BMPR1B: variants seen among roughly 807,000 people sequenced by gnomAD.
The protein encoded by BMPR1B is bone morphogenetic protein receptor type-1B.
A neutral mutation model predicts 59.1 loss-of-function variants in BMPR1B; 12 were observed. That is an observed-to-expected ratio of 0.20 (90% CI 0.13 to 0.33). The LOEUF (loss-of-function observed/expected upper bound fraction) is 0.33. BMPR1B is among the 10% of genes least tolerant of loss of function. The pLI is 1.00. For synonymous variants in BMPR1B, 237 were observed against 207.3 expected, an observed-to-expected ratio of 1.14 and a Z score of -1.23; for missense variants, 550 against 610.9, an observed-to-expected ratio of 0.90 and a Z score of 1.05.
At chr4:95,013,300 T>C (rs957498401) in intron 3 of BMPR1B, among the ~76,000 whole-genome samples, 1 of 152,198 alleles carries the variant, frequency 6.6e-6, no homozygotes, top group East Asian at 1.9e-4. Context: ...TCCTGATGTA[T>C]TTTCTTCAAC....
chr4:94,924,007 C>G (rs1728795163), intron 2 of BMPR1B, among the ~76,000 whole-genome samples: 1 of 152,068 alleles, frequency 6.6e-6, no homozygotes, highest in South Asian at 2.1e-4. Context: ...CTTAAGGATG[C>G]TATGTCTTGA....
chr4:94,831,329 G>T (rs541101004), intron 1 of BMPR1B, among the ~76,000 whole-genome samples: 22 of 149,876 alleles, frequency 1.5e-4, no homozygotes, highest in African/African-American at 5.4e-4. Context: ...TGTGTTTTAA[G>T]CTAAATGTTC....
chr4:94,763,809 T>G (rs1461162462), intron 1 of BMPR1B, among the ~76,000 whole-genome samples: 1 of 152,240 alleles, frequency 6.6e-6, no homozygotes, highest in Non-Finnish European at 1.5e-5. Context: ...ATCTAACTAG[T>G]ACACTTTATG....
intron 1 of BMPR1B, among the ~76,000 whole-genome samples, chr4:94,860,851 C>A (rs920805512): frequency 6.7e-6 from 1 of 150,114 alleles, no homozygotes; most frequent in African/African-American, 2.5e-5. Flanking sequence ...ATGTCTTTCT[C>A]TTTCACGAGA....
At chr4:95,086,136 G>A (rs1165038446) in intron 3 of BMPR1B, among the ~76,000 whole-genome samples, 1 of 152,122 alleles carries the variant, frequency 6.6e-6, no homozygotes, top group Non-Finnish European at 1.5e-5. Flanking sequence ...ATAAAGCTAT[G>A]ACTATTAGGT....
chr4:95,035,023 G>C (rs1725137988), intron 3 of BMPR1B, among the ~76,000 whole-genome samples: 1 of 151,906 alleles, frequency 6.6e-6, no homozygotes, highest in African/African-American at 2.4e-5. Context: ...GCATTTCCCT[G>C]GTAATTAGTG....
At chr4:95,150,983 A>G (rs1483127236) in intron 11 of BMPR1B, among the ~76,000 whole-genome samples, 4 of 152,146 alleles carry the variant, frequency 2.6e-5, no homozygotes, top group Non-Finnish European at 2.9e-5. Flanking sequence ...AAGCGATTTT[A>G]TTTTTCCAGA....
rs537445877 is a variant in BMPR1B, at chr4:95,071,576, G to C, written c.-17-32832G>C. On this transcript the variant is annotated intron_variant, in intron 3 of 12. Coordinates refer to ENST00000515059, the MANE Select transcript of BMPR1B (RefSeq NM_001203.3). ...TCAGTGGGTCACAGAGTTATGAAGG[G>C]CTATGTTGCCAAAATTGCAATCAGT... 2.7e-5 allele frequency among the ~76,000 whole-genome samples: 4 copies of C among 150,162 alleles called. No individual in the cohort carries two copies. In the East Asian group the frequency reaches 7.9e-4, roughly 30 times the overall value.
intron 1 of BMPR1B, among the ~76,000 whole-genome samples, chr4:94,864,145 A>G (rs2148960025): frequency 6.6e-6 from 1 of 152,308 alleles, no homozygotes; most frequent in South Asian, 2.1e-4. Context: ...TTTGAGTGGG[A>G]AAAATCAAGG....
intron 1 of BMPR1B, among the ~76,000 whole-genome samples, chr4:94,784,436 T>C (rs1003382658): frequency 3.3e-5 from 5 of 152,224 alleles, no homozygotes; most frequent in African/African-American, 7.2e-5. Context: ...TTATTTGTTA[T>C]GAGTTTTCAG....
intron 3 of BMPR1B, among the ~76,000 whole-genome samples, chr4:95,026,113 T>TCTTC (rs1491584879): frequency 1.4e-5 from 2 of 141,468 alleles, no homozygotes; most frequent in Middle Eastern, 3.5e-3. Flanking sequence ...TTTCTTTCTT[T>TCTTC]CTTTCTTTCT....
intron 3 of BMPR1B, among the ~76,000 whole-genome samples, chr4:95,068,358 T>A (rs1188158642): frequency 6.6e-6 from 1 of 152,154 alleles, no homozygotes; most frequent in Non-Finnish European, 1.5e-5. Context: ...GTCAGTACTG[T>A]CTACATTGGG....
Position 95,121,294 on chromosome 4 carries a change from A to T in BMPR1B, c.350-2516A>T, listed in dbSNP as rs112973711. ...GAAATCAGAGACAACACAAATGGAA[A>T]AACATCCTATGCTCATGGATTGGAA... On this transcript the variant is annotated intron_variant, in intron 6 of 12. Transcript: ENST00000515059. Among the ~76,000 whole-genome samples, 1,221 of 152,330 alleles carry T rather than the reference A, an allele frequency of 8.0e-3. 15 individuals carry two copies. The highest frequency in any genetic ancestry group is 0.027 in the African/African-American group (1,111 of 41,588).
intron 3 of BMPR1B, among the ~76,000 whole-genome samples, chr4:95,063,417 C>A (rs1030848704): frequency 1.3e-5 from 2 of 151,938 alleles, no homozygotes; most frequent in African/African-American, 4.8e-5. Flanking sequence ...ATGATTATAG[C>A]CTAGGGTAGA....
In BMPR1B at chr4:95,154,831, G is replaced by A. The variant is rs951505268; in HGVS notation, c.*158G>A. ...CCTCACCTCTCAGGGAGCGACCTGG[G>A]CAAAGACAGAGAAGCTCCCAGAAGG... On this transcript the variant is annotated 3_prime_UTR_variant, in exon 13 of 13. Coordinates refer to ENST00000515059, the MANE Select transcript of BMPR1B (RefSeq NM_001203.3). 8 of 1,000,158 alleles carry A rather than the reference G, an allele frequency of 8.0e-6. No individual in the cohort carries two copies. Among genetic ancestry groups the A allele is most frequent in the Middle Eastern group, 2.3e-4 (1 of 4,386 alleles). 62.0% of individuals were successfully genotyped at this position (1,000,158 alleles called of 1,614,324 possible).
intron 1 of BMPR1B, among the ~76,000 whole-genome samples, chr4:94,857,977 G>A (rs548609117): frequency 6.6e-4 from 101 of 152,014 alleles, no homozygotes; most frequent in Admixed American, 1.6e-3. Flanking sequence ...ACGGAGTCTC[G>A]CTCTGTCGCC....
rs144521615 is a variant in BMPR1B, at chr4:95,080,645, A to G, written c.-17-23763A>G. ...CAACATAGTAATATTAACATGTTTT[A>G]CTGACATTTGCACTGATAATAAACA... is the stretch of plus-strand genomic sequence containing the variant. On this transcript the variant is annotated intron_variant, in intron 3 of 12. Transcript: ENST00000515059. 5.3e-4 allele frequency among the ~76,000 whole-genome samples: 80 copies of G among 152,316 alleles called. No individual in the cohort carries two copies. In the East Asian group the frequency reaches 0.013, roughly 24 times the overall value.
At chr4:95,073,113 A>G (rs1171238686) in intron 3 of BMPR1B, among the ~76,000 whole-genome samples, 3 of 152,182 alleles carry the variant, frequency 2.0e-5, no homozygotes, top group Non-Finnish European at 4.4e-5. Context: ...AGGGGGGGAA[A>G]TCATTGCTAG....
intron 10 of BMPR1B, among the ~76,000 whole-genome samples, chr4:95,146,242 G>A (rs540708095): frequency 6.6e-6 from 1 of 152,272 alleles, no homozygotes; most frequent in Non-Finnish European, 1.5e-5. Context: ...TGCTGAACAT[G>A]CATATGTATT....
Sources: gnomAD v4.1 joint callset for allele counts (sites outside exome capture counted in the v4.1 genomes callset) on GRCh38, gnomAD v4.1.1 for gene constraint, MANE v1.5 for transcripts, NCBI Gene and HGNC (gene_info 2026-07-23, HGNC 2026-07-21) for gene names.